The following ITGB6 variants were observed in gnomAD, a reference collection of about 807,000 sequenced individuals.
ITGB6 encodes integrin beta-6.
A neutral mutation model predicts 84.5 loss-of-function variants in ITGB6; 80 were observed. The observed-to-expected ratio is 0.95, with a 90% CI of 0.79 to 1.14. ITGB6 has a LOEUF of 1.14. ITGB6 is among the 50% of genes most tolerant of loss of function. ITGB6 has a pLI of 0.00. For synonymous variants in ITGB6, 383 were observed against 354.9 expected (o/e 1.08, Z -0.89); for missense variants, 1,006 against 968.0 (o/e 1.04, Z -0.52).
chr2:160,183,697 G>A (rs954881664), intron 4 of ITGB6, among the ~76,000 whole-genome samples: 1 of 152,156 alleles, frequency 6.6e-6, no homozygotes, highest in Non-Finnish European at 1.5e-5. Context: ...ATTCTTCTCA[G>A]CACCAAGTCG....
chr2:160,152,034 A>G (rs1684444327), intron 7 of ITGB6, among the ~76,000 whole-genome samples: 1 of 152,244 alleles, frequency 6.6e-6, no homozygotes, highest in Admixed American at 6.5e-5. Flanking sequence ...AGGAGCTGGT[A>G]CCACTCCTTC....
chr2:160,171,040 G>A (rs1227585112), intron 6 of ITGB6, among the ~76,000 whole-genome samples: 2 of 152,088 alleles, frequency 1.3e-5, no homozygotes, highest in Non-Finnish European at 2.9e-5. Context: ...TACACATTTG[G>A]GGAATACTAC....
At chr2:160,131,644 CT>C (rs1683474753) in intron 10 of ITGB6, among the ~76,000 whole-genome samples, 1 of 152,130 alleles carries the variant, frequency 6.6e-6, no homozygotes, top group Non-Finnish European at 1.5e-5. Flanking sequence ...AGAAAAGTTA[CT>C]AATTATAGAG....
At chr2:160,114,507 T>C (rs1310899198) in intron 12 of ITGB6, among the ~76,000 whole-genome samples, 1 of 151,758 alleles carries the variant, frequency 6.6e-6, no homozygotes. Context: ...GTGTGAAAAA[T>C]ACAAAGCAGG....
At chr2:160,151,182 C>T (rs1684400787) in intron 7 of ITGB6, among the ~76,000 whole-genome samples, 1 of 152,092 alleles carries the variant, frequency 6.6e-6, no homozygotes, top group Admixed American at 6.6e-5. Flanking sequence ...TAAAATTGAC[C>T]ACATAATTGG....
chr2:160,190,592 A>G (rs1267459822), intron 4 of ITGB6, among the ~76,000 whole-genome samples: 1 of 152,174 alleles, frequency 6.6e-6, no homozygotes, highest in Non-Finnish European at 1.5e-5. Context: ...TTTTCTTCCA[A>G]ATATACTCAT....
intron 7 of ITGB6, among the ~76,000 whole-genome samples, chr2:160,168,917 C>T (rs1685100989): frequency 6.6e-6 from 1 of 152,178 alleles, no homozygotes; most frequent in African/African-American, 2.4e-5. Flanking sequence ...AATAAATTTT[C>T]TTTTAGGTAG....
chr2:160,141,184 T>A (rs1194673021), intron 8 of ITGB6, among the ~76,000 whole-genome samples: 1 of 152,174 alleles, frequency 6.6e-6, no homozygotes, highest in Non-Finnish European at 1.5e-5. Flanking sequence ...CTAAAAAATT[T>A]ACTTTTTTTC....
rs1266241751 is a variant in ITGB6 at position 160,100,524 on chromosome 2, C to T, written c.*1212G>A. The T allele has an allele frequency of 6.6e-6, 1 of 152,164 alleles. No individual in the cohort carries two copies. The highest frequency in any genetic ancestry group is 1.5e-5 in the Non-Finnish European group (1 of 68,026). The allele number at this position is 152,164 out of a possible 1,614,324, so 9.4% of individuals were successfully genotyped here. On this transcript the variant is annotated 3_prime_UTR_variant, in exon 15 of 15. Transcript: ENST00000283249. ...TGAACCCAGCTCTACTCATTCTGAG[C>T]CTTAGTTTCCTTATGAGGATCAAGT...
chr2:160,118,957 A>G (rs1302300350), intron 12 of ITGB6, among the ~76,000 whole-genome samples: 1 of 152,192 alleles, frequency 6.6e-6, no homozygotes, highest in Non-Finnish European at 1.5e-5. Context: ...CCAACTTACA[A>G]GGGATGTGAA....
chr2:160,154,291 G>A (rs1684541363), intron 7 of ITGB6, among the ~76,000 whole-genome samples: 1 of 152,182 alleles, frequency 6.6e-6, no homozygotes, highest in South Asian at 2.1e-4. Context: ...TAGGGACATG[G>A]ATGAAGCTGG....
chr2:160,134,180 A>C (rs980559182), intron 10 of ITGB6, among the ~76,000 whole-genome samples: 4 of 152,240 alleles, frequency 2.6e-5, no homozygotes, highest in African/African-American at 9.6e-5. Flanking sequence ...AGAAGAAAAG[A>C]GAGAAGAATC....
At chr2:160,153,628 A>C (rs1315541290) in intron 7 of ITGB6, among the ~76,000 whole-genome samples, 1 of 152,204 alleles carries the variant, frequency 6.6e-6, no homozygotes, top group Non-Finnish European at 1.5e-5. Flanking sequence ...CAGTAAAAGA[A>C]ACTACCATCA....
chr2:160,167,411 A>C (rs1276025994), intron 7 of ITGB6, among the ~76,000 whole-genome samples: 1 of 152,204 alleles, frequency 6.6e-6, no homozygotes, highest in Non-Finnish European at 1.5e-5. Context: ...ATAAAAATAA[A>C]ACAATGAAAC....
chr2:160,147,591 TG>T (rs1329087414), intron 7 of ITGB6, among the ~76,000 whole-genome samples: 1 of 152,140 alleles, frequency 6.6e-6, no homozygotes, highest in Non-Finnish European at 1.5e-5. Flanking sequence ...ACTATAAAGC[TG>T]AAGCAATCCA....
At chr2:160,137,153 TAG>T (rs773950234) in intron 10 of ITGB6, among the ~76,000 whole-genome samples, 27 of 151,694 alleles carry the variant, frequency 1.8e-4, no homozygotes, top group South Asian at 1.5e-3. Context: ...GGCACTTTTG[TAG>T]AGTCTGGGTG....
intron 4 of ITGB6, among the ~76,000 whole-genome samples, chr2:160,186,273 A>G (rs1685891268): frequency 4.0e-5 from 1 of 24,886 alleles, no homozygotes; most frequent in South Asian, 9.5e-4. Context: ...ACAAATTTCC[A>G]AAAAAAAAAA....
chr2:160,185,261 T>C (rs1370141364), intron 4 of ITGB6, among the ~76,000 whole-genome samples: 1 of 152,218 alleles, frequency 6.6e-6, no homozygotes, highest in Non-Finnish European at 1.5e-5. Flanking sequence ...CTCCTTAAGC[T>C]GATAAGCAAC....
chr2:160,152,840 C>A (rs1470046515), intron 7 of ITGB6, among the ~76,000 whole-genome samples: 1 of 152,156 alleles, frequency 6.6e-6, no homozygotes, highest in African/African-American at 2.4e-5. Context: ...AGTGACCTCC[C>A]ATTCACAATT....
Sources: allele counts gnomAD v4.1 joint callset (sites outside exome capture counted in the v4.1 genomes callset), GRCh38; gene constraint gnomAD v4.1.1; transcripts MANE v1.5; gene names NCBI Gene and HGNC (gene_info 2026-07-23, HGNC 2026-07-21).